Variants in ATRNL1 observed in about 807,000 individuals in gnomAD.
ATRNL1 encodes the protein attractin-like protein 1.
A neutral mutation model predicts 182.7 loss-of-function variants in ATRNL1; 95 were observed. The observed-to-expected ratio is 0.52, with a 90% CI of 0.44 to 0.62. The LOEUF is 0.62. Among genes scored for constraint, ATRNL1 ranks in the 20% least tolerant of loss-of-function variants. ATRNL1 has a pLI of 0.00. For synonymous variants in ATRNL1, 576 were observed against 568.3 expected, an observed-to-expected ratio of 1.01 and a Z score of -0.19; for missense variants, 1,471 against 1,679.5, an observed-to-expected ratio of 0.88 and a Z score of 2.17.
At chr10:115,487,972 A>G (rs1554975585) in intron 24 of ATRNL1, among the ~76,000 whole-genome samples, 1 of 152,120 alleles carries the variant, frequency 6.6e-6, no homozygotes, top group African/African-American at 2.4e-5. Flanking sequence ...TCCTGCATCT[A>G]TTGAGATAAT....
intron 19 of ATRNL1, among the ~76,000 whole-genome samples, chr10:115,381,032 A>G (rs1554950930): frequency 6.6e-6 from 1 of 152,110 alleles, no homozygotes; most frequent in South Asian, 2.1e-4. Flanking sequence ...CTATTTCTCC[A>G]TATTCCACAA....
At chr10:115,723,417 G>A (rs955882241) in intron 26 of ATRNL1, among the ~76,000 whole-genome samples, 3 of 152,070 alleles carry the variant, frequency 2.0e-5, no homozygotes, top group African/African-American at 7.2e-5. Context: ...CAAGTTTGGG[G>A]AATGATACCG....
chr10:115,323,922 C>G (rs183903756), intron 18 of ATRNL1, among the ~76,000 whole-genome samples: 1 of 151,886 alleles, frequency 6.6e-6, no homozygotes, highest in Non-Finnish European at 1.5e-5. Flanking sequence ...GAACTACAGG[C>G]GCCTGCCACG....
At chr10:115,679,402 A>T (rs1555043962) in intron 26 of ATRNL1, among the ~76,000 whole-genome samples, 2 of 151,954 alleles carry the variant, frequency 1.3e-5, no homozygotes, top group Non-Finnish European at 2.9e-5. Flanking sequence ...CTGTTTGATT[A>T]CAGTGAGTCC....
At chr10:115,324,499 C>T (rs1258115825) in intron 18 of ATRNL1, among the ~76,000 whole-genome samples, 2 of 152,098 alleles carry the variant, frequency 1.3e-5, no homozygotes, top group Non-Finnish European at 2.9e-5. Context: ...TTTACAATAT[C>T]TATGGGGCTT....
At chr10:115,574,087 A>G (rs1224352659) in intron 26 of ATRNL1, among the ~76,000 whole-genome samples, 1 of 152,050 alleles carries the variant, frequency 6.6e-6, no homozygotes, top group Non-Finnish European at 1.5e-5. Flanking sequence ...CAAAATCATG[A>G]TTCTGTTTGT....
At chr10:115,414,791 C>A (rs1845310450) in intron 20 of ATRNL1, among the ~76,000 whole-genome samples, 1 of 151,742 alleles carries the variant, frequency 6.6e-6, no homozygotes, top group Admixed American at 6.6e-5. Context: ...ATTTTAGATA[C>A]TCTTTTGAGT....
chr10:115,886,114 G>A (rs929446193), intron 28 of ATRNL1, among the ~76,000 whole-genome samples: 6 of 152,146 alleles, frequency 3.9e-5, no homozygotes, highest in Non-Finnish European at 7.3e-5. Flanking sequence ...TGGTTCCACC[G>A]AGTGAAACCA....
intron 19 of ATRNL1, among the ~76,000 whole-genome samples, chr10:115,349,973 A>G (rs575813556): frequency 3.3e-5 from 5 of 152,080 alleles, no homozygotes; most frequent in African/African-American, 7.2e-5. Context: ...CATTTTTTCA[A>G]TATTACTTTG....
chr10:115,843,735 A>T (rs544359034), intron 27 of ATRNL1, among the ~76,000 whole-genome samples: 11 of 152,208 alleles, frequency 7.2e-5, no homozygotes, highest in African/African-American at 2.6e-4. Context: ...TTGACCCAAG[A>T]CATGGTCAGC....
intron 28 of ATRNL1, among the ~76,000 whole-genome samples, chr10:115,926,941 A>T (rs782083949): frequency 2.0e-5 from 3 of 152,168 alleles, no homozygotes; most frequent in Non-Finnish European, 4.4e-5. Flanking sequence ...CCTGATACCA[A>T]AGTCAGACAG....
rs138409104 is a variant in ATRNL1 at position 115,672,161 on chromosome 10, G to A, written c.3796-55087G>A. 7.4e-3 allele frequency among the ~76,000 whole-genome samples: 1,121 copies of A among 152,156 alleles called. 13 individuals are homozygous for A. Among genetic ancestry groups the A allele is most frequent in the African/African-American group, 0.026 (1,067 of 41,534 alleles). On this transcript the variant is annotated intron_variant, in intron 26 of 28. Coordinates refer to ENST00000355044, the MANE Select transcript of ATRNL1 (RefSeq NM_207303.4). ...TACGACTACCATTTATATATGCCCA[G>A]CCAGGAAATATTCTAGATGTCTTTA...
intron 5 of ATRNL1, among the ~76,000 whole-genome samples, chr10:115,130,133 G>A (rs1250414842): frequency 6.6e-6 from 1 of 151,970 alleles, no homozygotes; most frequent in Non-Finnish European, 1.5e-5. Context: ...TTATTTATCT[G>A]TATATAAAAT....
intron 15 of ATRNL1, among the ~76,000 whole-genome samples, chr10:115,299,106 G>T (rs1282025807): frequency 6.6e-6 from 1 of 151,602 alleles, no homozygotes; most frequent in East Asian, 1.9e-4. Flanking sequence ...GAACAATGTG[G>T]AGTTTTGACA....
At chr10:115,309,626 C>T (rs539773742) in intron 17 of ATRNL1, among the ~76,000 whole-genome samples, 2 of 152,084 alleles carry the variant, frequency 1.3e-5, no homozygotes, top group East Asian at 1.9e-4. Flanking sequence ...GTTTTTGTAA[C>T]CTTAGACTTT....
intron 26 of ATRNL1, among the ~76,000 whole-genome samples, chr10:115,652,945 G>A (rs1212059990): frequency 1.3e-5 from 2 of 152,018 alleles, no homozygotes; most frequent in Non-Finnish European, 2.9e-5. Context: ...TGTATTGTAA[G>A]TTATGTAGTT....
intron 1 of ATRNL1, among the ~76,000 whole-genome samples, chr10:115,106,438 G>A (rs1844015248): frequency 6.6e-6 from 1 of 152,152 alleles, no homozygotes; most frequent in African/African-American, 2.4e-5. Flanking sequence ...TGTTGGGAAA[G>A]CATCATTTGT....
At chr10:115,871,147 A>C (rs552406717) in intron 28 of ATRNL1, among the ~76,000 whole-genome samples, 254 of 152,172 alleles carry the variant, frequency 1.7e-3, no homozygotes, top group African/African-American at 6.0e-3. Flanking sequence ...GATTGTACTC[A>C]GTAAACTTTT....
At chr10:115,771,901 AATAAG>A (rs1303089007) in intron 27 of ATRNL1, among the ~76,000 whole-genome samples, 1 of 152,182 alleles carries the variant, frequency 6.6e-6, no homozygotes, top group African/African-American at 2.4e-5. Flanking sequence ...TTGGGGGAAA[AATAAG>A]ATGAGATGTT....
Sources: allele counts gnomAD v4.1 joint callset (sites outside exome capture counted in the v4.1 genomes callset), GRCh38; gene constraint gnomAD v4.1.1; transcripts MANE v1.5; gene names NCBI Gene and HGNC (gene_info 2026-07-23, HGNC 2026-07-21).